RASAL3: variants seen among roughly 807,000 people sequenced by gnomAD.
RASAL3 encodes RAS protein activator like 3.
RASAL3 carries 74 observed loss-of-function variants against 105.5 expected under a neutral mutation model. That is an observed-to-expected ratio of 0.70 (90% CI 0.58 to 0.85). RASAL3 has a LOEUF of 0.85. RASAL3 is among the 40% of genes least tolerant of loss of function. RASAL3 has a pLI of 0.00. For synonymous variants in RASAL3, 579 were observed against 591.6 expected (o/e 0.98, Z 0.31); for missense variants, 1,352 against 1,392.0 (o/e 0.97, Z 0.46).
intron 11 of RASAL3, 143 bp downstream of exon 11, chr19:15,455,961 A>G: frequency 1.0e-6 from 1 of 987,776 alleles, no homozygotes; most frequent in Non-Finnish European, 1.5e-6. Context: ...CAAATGAGTA[A>G]TTTTTTAGTA....
In RASAL3 at chr19:15,460,640, C is replaced by G. The variant is rs988673206; in HGVS notation, c.607-382G>C. ...CAAGCAATCCTTCTGCTTCAGCCTC[C>G]CAAAATGTTGGGATTACAGGTGTGA... On this transcript the variant is annotated intron_variant, in intron 5 of 17. Coordinates refer to ENST00000343625, the MANE Select transcript of RASAL3 (RefSeq NM_022904.3). Among the ~76,000 whole-genome samples, 5 of 152,246 alleles carry G rather than the reference C, an allele frequency of 3.3e-5. 1 individual carries two copies. Among genetic ancestry groups the G allele is most frequent in the African/African-American group, 1.2e-4 (5 of 41,528 alleles).
chr19:15,455,162 CTT>C (rs1970279995), intron 11 of RASAL3, among the ~76,000 whole-genome samples: 1 of 152,096 alleles, frequency 6.6e-6, no homozygotes, highest in African/African-American at 2.4e-5. Context: ...GGATAATACT[CTT>C]ATAGTTGGGG....
At chr19:15,462,218 G>A (rs1322604165) in intron 2 of RASAL3, among the ~76,000 whole-genome samples, 1 of 152,054 alleles carries the variant, frequency 6.6e-6, no homozygotes, top group Non-Finnish European at 1.5e-5. Context: ...TGGGCTCTGT[G>A]GCTCACACCT....
intron 6 of RASAL3, among the ~76,000 whole-genome samples, chr19:15,459,381 G>A (rs1970439156): frequency 6.6e-6 from 1 of 150,808 alleles, no homozygotes; most frequent in South Asian, 2.1e-4. Context: ...GAGTAACTGG[G>A]ATTACAGGCA....
intron 16 of RASAL3, 113 bp downstream of exon 16, chr19:15,452,545 G>T: frequency 1.0e-6 from 1 of 969,106 alleles, no homozygotes; most frequent in Non-Finnish European, 1.5e-6. Context: ...GGCGGGGCCA[G>T]GGTGGGGCTT....
In RASAL3 at chr19:15,464,199, C is replaced by T. The variant is rs1177777668; in HGVS notation, c.160G>A (p.Glu54Lys). Residue 54 changes from glutamate to lysine, a missense_variant, in exon 2 of 18, where the codon GAG becomes AAG. Physicochemically the swap from Glu to Lys is moderately conservative, Grantham distance 56. Coordinates refer to ENST00000343625, the MANE Select transcript of RASAL3 (RefSeq NM_022904.3). ...AGWGRALSHQ[E>K]PMVSTQPAPR... ...GCTGGCTGGGTGCTGACCATGGGCT[C>T]CTGGTGGCTCAGGGCCCTGCCCCAG... The T allele has an allele frequency of 1.2e-6, 2 of 1,611,668 alleles. No individual in the cohort carries two copies.
At position 15,464,366 on chromosome 19, in the gene RASAL3, G is replaced by A. The variant is rs567299289; in HGVS notation, c.-8C>T. The A allele has an allele frequency of 2.5e-6, 4 of 1,577,546 alleles. No individual in the cohort carries two copies. In the South Asian group the frequency reaches 3.3e-5, roughly 13 times the overall value. On this transcript the variant is annotated 5_prime_UTR_variant, in exon 2 of 18. Coordinates refer to ENST00000343625, the MANE Select transcript of RASAL3 (RefSeq NM_022904.3). ...TGGCGACGGTGGGTCCATGGTTGGGGGGGGGGGTCTCCTGGGGGACGAGAG... is the reference window on the plus strand; with the variant it reads ...TGGCGACGGTGGGTCCATGGTTGGGAGGGGGGGTCTCCTGGGGGACGAGAG...
At chr19:15,455,351 G>A (rs544201790) in intron 11 of RASAL3, among the ~76,000 whole-genome samples, 15 of 152,294 alleles carry the variant, frequency 9.8e-5, no homozygotes, top group African/African-American at 3.6e-4. Flanking sequence ...TAGGGTCAGA[G>A]GTCAAGGGAT....
chr19:15,456,275 G>A lies in RASAL3; in HGVS notation c.1577-27C>T. 6.2e-7 allele frequency: 1 copy of A among 1,607,278 alleles called. No homozygotes were observed. The highest frequency in any genetic ancestry group is 2.2e-5 in the East Asian group (1 of 44,726). ...TGCAGCCCAGCACAGCCAGATAGGG[G>A]CTGGGGCCATGACCACCAAAACCTG... On this transcript the variant is annotated intron_variant, in intron 10 of 17. Transcript: ENST00000343625. This position sits in a 1 kb window ranked among gnomAD's most constrained non-coding sequence, Gnocchi z 4.4.
At position 15,456,589 on chromosome 19, in the gene RASAL3, G is replaced by C. The variant is rs998910716; in HGVS notation, c.1489C>G (p.Leu497Val). 13 of 1,613,694 alleles carry C rather than the reference G, an allele frequency of 8.1e-6. 1 individual carries two copies. The highest frequency in any genetic ancestry group is 1.0e-5 in the Non-Finnish European group (12 of 1,179,800). The change falls in exon 10 of 18, where the codon CTG becomes GTG. Residue 497 changes from leucine to valine, a missense_variant. Transcript: ENST00000343625. This position sits in a 1 kb window ranked among gnomAD's most constrained non-coding sequence, Gnocchi z 4.4. ...GCCAATGTGTTTTCCCGGAACAGCA[G>C]CGCCTCACGGCCTCCACAGCGCGCC... is the stretch of plus-strand genomic sequence containing the variant. ...ELARCGGREA[L>V]LFRENTLATK...
At position 15,464,391 on chromosome 19, in the gene RASAL3, G is replaced by C. The variant is rs772090070; in HGVS notation, c.-19-14C>G. On this transcript the variant is annotated splice_polypyrimidine_tract_variant and intron_variant, in intron 1 of 17. Transcript: ENST00000343625. ...GGGGGGGGTCTCCTGGGGGACGAGA[G>C]AGTGACAGTAGTGCCCAGTGTCTGT... The C allele has an allele frequency of 6.7e-7, 1 of 1,485,264 alleles. No individual in the cohort carries two copies. The highest frequency in any genetic ancestry group is 1.1e-5 in the South Asian group (1 of 87,604). 92.0% of individuals were successfully genotyped at this position (1,485,264 alleles called of 1,614,324 possible).
At position 15,451,973 on chromosome 19, in the gene RASAL3, G is replaced by A. The variant is rs77275468; in HGVS notation, c.2893-35C>T. The A allele has an allele frequency of 7.0e-4, 1,131 of 1,613,150 alleles. 10 individuals are homozygous for A. In the African/African-American group the frequency reaches 0.014, roughly 19 times the overall value. ...CAGTGGTGATGGGGTTCAGAAACCA[G>A]GAGAGGGCTGCACCGCAACCCTTGC... is the stretch of plus-strand genomic sequence containing the variant. On this transcript the variant is annotated intron_variant, in intron 17 of 17. Coordinates refer to ENST00000343625, the MANE Select transcript of RASAL3 (RefSeq NM_022904.3).
In RASAL3 at chr19:15,464,542, T is replaced by C; in HGVS notation, c.-57A>G. 1.5e-6 allele frequency: 1 copy of C among 649,142 alleles called. No individual in the cohort carries two copies. 40.2% of individuals were successfully genotyped at this position (649,142 alleles called of 1,614,324 possible). ...ACCAGCCCCAGAATCAGCAGCCGTC[T>C]GCACCCCGCCTGGCTTCCTCCCTCG... is the stretch of plus-strand genomic sequence containing the variant. On this transcript the variant is annotated 5_prime_UTR_variant, in exon 1 of 18. Coordinates refer to ENST00000343625, the MANE Select transcript of RASAL3 (RefSeq NM_022904.3).
Position 15,457,678 on chromosome 19 carries a change from G to C in RASAL3, c.1045C>G (p.Leu349Val). The C allele has an allele frequency of 6.9e-7, 1 of 1,445,646 alleles. No homozygotes were observed. The highest frequency in any genetic ancestry group is 9.1e-7 in the Non-Finnish European group (1 of 1,102,292). The allele number at this position is 1,445,646 out of a possible 1,614,324, so 89.6% of individuals were successfully genotyped here. ...AAGTGGAAGCGCTCGGCCCAGAAGAGCTGGCCTGGGCCGGCCCGAGGCGCC... is the reference window on the plus strand; with the variant it reads ...AAGTGGAAGCGCTCGGCCCAGAAGACCTGGCCTGGGCCGGCCCGAGGCGCC... ...RTAPRAGPGQ[L>V]FWAERFHFEA... Residue 349 changes from leucine to valine, a missense_variant, in exon 9 of 18, where the codon CTC becomes GTC. Transcript: ENST00000343625. The surrounding 1 kb of genome is among the most constrained non-coding windows in gnomAD (Gnocchi z 8.6).
intron 16 of RASAL3, 82 bp from the exon 17 acceptor site, chr19:15,452,190 G>A (rs1179371902): frequency 7.1e-7 from 1 of 1,411,734 alleles, no homozygotes; most frequent in Non-Finnish European, 1.0e-6. Context: ...CAGGGACTCC[G>A]GGGGCGGAGC....
Position 15,456,322 on chromosome 19 carries a change from G to C in RASAL3, c.1577-74C>G. 1 of 1,580,068 alleles carries C rather than the reference G, an allele frequency of 6.3e-7. No homozygotes were observed. On this transcript the variant is annotated intron_variant, in intron 10 of 17. Coordinates refer to ENST00000343625, the MANE Select transcript of RASAL3 (RefSeq NM_022904.3). This position sits in a 1 kb window ranked among gnomAD's most constrained non-coding sequence, Gnocchi z 4.4. ...CCTGCCACACCCATCCTCCAACCTT[G>C]TCTTCAGGTTATTCCGGAGGCACCC...
At position 15,453,414 on chromosome 19, in the gene RASAL3, A is replaced by G; in HGVS notation, c.2363T>C (p.Leu788Pro). Residue 788 changes from leucine (L) to proline (P), a missense_variant, in exon 15 of 18, where the codon CTG (leucine) becomes CCG (proline). Transcript: ENST00000343625. This position sits in a 1 kb window ranked among gnomAD's most constrained non-coding sequence, Gnocchi z 4.2. ...ACTCTCTGAGCGGCGAACGCTGCGC[A>G]GAGACTGGCTCTTGGAGATGAGAGG... ...HTPLISKSQS[L>P]RSVRRSESWA... is the part of the protein sequence containing the mutation. 9 of 1,521,006 alleles carry G rather than the reference A, an allele frequency of 5.9e-6. No individual in the cohort carries two copies. The highest frequency in any genetic ancestry group is 7.0e-6 in the Non-Finnish European group (8 of 1,145,792). 94.2% of individuals were successfully genotyped at this position (1,521,006 alleles called of 1,614,324 possible). A position where few individuals can be genotyped will look rare whatever the true frequency, so the allele number is the denominator to read the frequency against.
rs904927586 is a variant in RASAL3, at chr19:15,453,712, C to T, written c.2280-215G>A. ...TGGAGCTCAAGCTATTCCCCAGCCT[C>T]AGCCTCCCAAATATCTAGGACTACC... On this transcript the variant is annotated intron_variant, in intron 14 of 17. Coordinates refer to ENST00000343625, the MANE Select transcript of RASAL3 (RefSeq NM_022904.3). This position sits in a 1 kb window ranked among gnomAD's most constrained non-coding sequence, Gnocchi z 4.2. 3.9e-5 allele frequency among the ~76,000 whole-genome samples: 6 copies of T among 151,994 alleles called. No individual in the cohort carries two copies. The highest frequency in any genetic ancestry group is 6.5e-5 in the Admixed American group (1 of 15,274).
intron 11 of RASAL3, among the ~76,000 whole-genome samples, chr19:15,455,772 G>T (rs542898785): frequency 6.6e-6 from 1 of 152,312 alleles, no homozygotes; most frequent in African/African-American, 2.4e-5. Flanking sequence ...CGATCCTCCA[G>T]CCTCGGCTGG....
Sources: allele counts gnomAD v4.1 joint callset (sites outside exome capture counted in the v4.1 genomes callset), GRCh38; gene constraint gnomAD v4.1.1; non-coding constraint Gnocchi (gnomAD v3.1); transcripts MANE v1.5; gene names NCBI Gene and HGNC (gene_info 2026-07-23, HGNC 2026-07-21).